Variants in ALDH1A2 observed in about 807,000 individuals in gnomAD.
ALDH1A2 encodes the protein aldehyde dehydrogenase 1 family member A2, also known as retinal dehydrogenase 2.
A neutral mutation model predicts 60.3 loss-of-function variants in ALDH1A2; 27 were observed. The ratio of observed to expected loss-of-function variants is 0.45; its 90% CI spans 0.33 to 0.62. The LOEUF is 0.62. ALDH1A2 is among the 20% of genes least tolerant of loss of function. The pLI is 0.02. For synonymous variants in ALDH1A2, 289 were observed against 232.4 expected (o/e 1.24, Z -2.21); for missense variants, 581 against 643.8 (o/e 0.90, Z 1.06).
chr15:58,063,364 T>TCC (rs1281744666), intron 1 of ALDH1A2, among the ~76,000 whole-genome samples: 266 of 152,322 alleles, frequency 1.7e-3, no homozygotes, highest in African/African-American at 6.0e-3. Context: ...CCCTATCGAA[T>TCC]ATGGTATCAC....
intron 1 of ALDH1A2, among the ~76,000 whole-genome samples, chr15:58,040,999 C>T (rs540013078): frequency 6.6e-6 from 1 of 151,956 alleles, no homozygotes; most frequent in Admixed American, 6.6e-5. Context: ...TAACCTCAGT[C>T]CTAGATACTA....
At chr15:57,965,585 C>A (rs1048920242) in intron 8 of ALDH1A2, 140 bp downstream of exon 8, 1 of 750,416 alleles carries the variant, frequency 1.3e-6, no homozygotes, top group South Asian at 1.5e-5. Context: ...ATTATTAAAC[C>A]ATTTTCTCCT....
At chr15:58,059,596 A>G (rs1896971944) in intron 1 of ALDH1A2, among the ~76,000 whole-genome samples, 1 of 152,238 alleles carries the variant, frequency 6.6e-6, no homozygotes, top group Non-Finnish European at 1.5e-5. Flanking sequence ...AAATACCAGA[A>G]ACGTCTATTT....
intron 1 of ALDH1A2, among the ~76,000 whole-genome samples, chr15:58,043,592 A>T (rs1896570099): frequency 6.6e-6 from 1 of 151,996 alleles, no homozygotes. Context: ...TATGTCTAAT[A>T]TTTTAACACA....
chr15:58,031,598 T>A (rs1896241741), intron 1 of ALDH1A2, among the ~76,000 whole-genome samples: 1 of 151,544 alleles, frequency 6.6e-6, no homozygotes, highest in Non-Finnish European at 1.5e-5. Context: ...TGGGAGAAAA[T>A]TTTTTCAATC....
At chr15:58,055,856 A>T (rs1025933282) in intron 1 of ALDH1A2, among the ~76,000 whole-genome samples, 3 of 152,082 alleles carry the variant, frequency 2.0e-5, no homozygotes, top group Admixed American at 6.6e-5. Context: ...CACTAACAGG[A>T]TGAAGTATAT....
intron 7 of ALDH1A2, among the ~76,000 whole-genome samples, chr15:57,976,440 C>G (rs550741693): frequency 6.6e-6 from 1 of 152,140 alleles, no homozygotes; most frequent in Non-Finnish European, 1.5e-5. Flanking sequence ...CGACAGGCCC[C>G]GGTGTGTGAT....
At chr15:58,005,883 G>A (rs1168105706) in intron 4 of ALDH1A2, among the ~76,000 whole-genome samples, 1 of 151,770 alleles carries the variant, frequency 6.6e-6, no homozygotes, top group East Asian at 1.9e-4. Context: ...GAGAAAAGTA[G>A]GCTCTAGATA....
intron 4 of ALDH1A2, among the ~76,000 whole-genome samples, chr15:58,007,190 G>A (rs1254544529): frequency 6.6e-6 from 1 of 151,968 alleles, no homozygotes; most frequent in South Asian, 2.1e-4. Context: ...AGACAAGAAT[G>A]TTGTGATCAG....
chr15:57,965,648 C>T (rs1893869600), intron 8 of ALDH1A2, 77 bp downstream of exon 8: 1 of 1,042,008 alleles, frequency 9.6e-7, no homozygotes, highest in South Asian at 1.3e-5. Context: ...TGCTAGTGTC[C>T]CATCAAAAGT....
chr15:57,963,297 C>T (rs1319648075), intron 9 of ALDH1A2, among the ~76,000 whole-genome samples: 1 of 151,266 alleles, frequency 6.6e-6, no homozygotes, highest in Non-Finnish European at 1.5e-5. Context: ...ATACTCATGG[C>T]TTTCTTTAGA....
intron 1 of ALDH1A2, among the ~76,000 whole-genome samples, chr15:58,041,048 C>T (rs1227244036): frequency 6.6e-6 from 1 of 151,922 alleles, no homozygotes; most frequent in Non-Finnish European, 1.5e-5. Context: ...CAACTTCCTT[C>T]ATGCCGCATG....
intron 1 of ALDH1A2, among the ~76,000 whole-genome samples, chr15:58,048,548 G>T (rs926243228): frequency 3.9e-5 from 6 of 152,022 alleles, no homozygotes; most frequent in African/African-American, 1.4e-4. Flanking sequence ...TATGGATGGG[G>T]GATCTGCCCC....
At chr15:57,955,409 T>A in intron 12 of ALDH1A2, 140 bp from the exon 13 acceptor site, 2 of 819,286 alleles carry the variant, frequency 2.4e-6, no homozygotes, top group Non-Finnish European at 4.2e-6. Context: ...TCCTCACGTA[T>A]GCGCAGCCCA....
At chr15:57,983,860 C>CTTAAG (rs1273149454) in intron 7 of ALDH1A2, among the ~76,000 whole-genome samples, 1 of 152,152 alleles carries the variant, frequency 6.6e-6, no homozygotes, top group Non-Finnish European at 1.5e-5. Flanking sequence ...CTGGAAACAA[C>CTTAAG]TTAAGTTTTA....
chr15:58,053,482 G>A (rs1896826598), intron 1 of ALDH1A2, among the ~76,000 whole-genome samples: 1 of 152,112 alleles, frequency 6.6e-6, no homozygotes, highest in African/African-American at 2.4e-5. Context: ...CAATAAGTTA[G>A]TGACTTTGCA....
chr15:57,977,291 G>A (rs191883426), intron 7 of ALDH1A2, among the ~76,000 whole-genome samples: 1 of 152,124 alleles, frequency 6.6e-6, no homozygotes, highest in South Asian at 2.1e-4. Context: ...CATTGCCTTT[G>A]GTGTTCTAGT....
At position 57,965,761 on chromosome 15, in the gene ALDH1A2, C is replaced by T; in HGVS notation, c.865G>A (p.Gly289Ser). The change falls in exon 8 of 13, where the codon GGC becomes AGC. Residue 289 changes from glycine (G) to serine (S), a missense_variant. Coordinates refer to ENST00000249750, the MANE Select transcript of ALDH1A2 (RefSeq NM_003888.4). Reference protein sequence around the residue: ...NLKRVTLELGGKSPNIIFADA... With the variant: ...NLKRVTLELGSKSPNIIFADA... Reference sequence around the variant, plus strand: ...GCAAAAATAATATTAGGACTTTTGCCTCCAAGTTCCAGAGTTACTCTCTTC... The same window carrying T: ...GCAAAAATAATATTAGGACTTTTGCTTCCAAGTTCCAGAGTTACTCTCTTC... 1 of 1,614,194 alleles carries T rather than the reference C, an allele frequency of 6.2e-7. No individual in the cohort carries two copies. Among genetic ancestry groups the T allele is most frequent in the East Asian group, 2.2e-5 (1 of 44,888 alleles).
intron 7 of ALDH1A2, among the ~76,000 whole-genome samples, chr15:57,978,556 AT>A (rs1243734843): frequency 1.5e-4 from 22 of 150,576 alleles, no homozygotes; most frequent in Middle Eastern, 3.4e-3. Flanking sequence ...GGTGGATAAG[AT>A]TTTTTTTTTC....
Sources: allele counts gnomAD v4.1 joint callset (sites outside exome capture counted in the v4.1 genomes callset), GRCh38; gene constraint gnomAD v4.1.1; transcripts MANE v1.5; gene names NCBI Gene and HGNC (gene_info 2026-07-23, HGNC 2026-07-21).